Variants in CDH7 observed in about 807,000 individuals in gnomAD.
The protein encoded by CDH7 is cadherin 7.
Under a neutral mutation model 71.8 loss-of-function variants are expected in CDH7, and 25 were observed. The ratio of observed to expected loss-of-function variants is 0.35; its 90% CI spans 0.25 to 0.49. The LOEUF (loss-of-function observed/expected upper bound fraction) is 0.49. Among genes scored for constraint, CDH7 ranks in the 20% least tolerant of loss-of-function variants. The pLI is 0.99. For synonymous variants in CDH7, 381 were observed against 363.8 expected (o/e 1.05, Z -0.54); for missense variants, 862 against 974.6 (o/e 0.88, Z 1.54).
chr18:65,826,872 T>C (rs1309618944), intron 6 of CDH7, among the ~76,000 whole-genome samples: 1 of 151,346 alleles, frequency 6.6e-6, no homozygotes, highest in African/African-American at 2.4e-5. Context: ...GGGTTCAAAT[T>C]TCGTGTATTG....
intron 2 of CDH7, among the ~76,000 whole-genome samples, chr18:65,808,403 C>T (rs191294690): frequency 6.6e-6 from 1 of 152,298 alleles, no homozygotes; most frequent in East Asian, 1.9e-4. Context: ...CACACCTTTT[C>T]CCTACACTGA....
intron 6 of CDH7, among the ~76,000 whole-genome samples, chr18:65,830,722 TC>T: frequency 1.0e-5 from 1 of 96,530 alleles, no homozygotes; most frequent in Non-Finnish European, 2.3e-5. Flanking sequence ...TCTTTCTCTC[TC>T]TCTCTTTCTT....
chr18:65,807,194 A>C (rs1911356804), intron 2 of CDH7, among the ~76,000 whole-genome samples: 1 of 152,122 alleles, frequency 6.6e-6, no homozygotes, highest in African/African-American at 2.4e-5. Flanking sequence ...GCAGTATGAA[A>C]CTTTTAAGTT....
At position 65,880,406 on chromosome 18, in the gene CDH7, A is replaced by T; in HGVS notation, c.1870A>T (p.Ile624Phe). Residue 624 changes from isoleucine (I) to phenylalanine (F), a missense_variant, in exon 12 of 12, where the codon ATC becomes TTC. Transcript: ENST00000397968. ...LACVLTLLVLILLIVTMRRRK... is the reference protein window; with the variant it reads ...LACVLTLLVLFLLIVTMRRRK... ...TTCCTGTCTTATTGTTTCAGTGTTG[A>T]TCCTCCTTATCGTCACTATGAGAAG... 6.5e-7 allele frequency: 1 copy of T among 1,535,022 alleles called. No homozygotes were observed. The highest frequency in any genetic ancestry group is 8.7e-7 in the Non-Finnish European group (1 of 1,147,822).
At chr18:65,876,867 A>C (rs1914088554) in intron 11 of CDH7, among the ~76,000 whole-genome samples, 1 of 152,224 alleles carries the variant, frequency 6.6e-6, no homozygotes, top group African/African-American at 2.4e-5. Flanking sequence ...ACAGATATGT[A>C]AATTCCTGAA....
At chr18:65,778,289 A>C (rs1246689002) in intron 2 of CDH7, among the ~76,000 whole-genome samples, 2 of 150,702 alleles carry the variant, frequency 1.3e-5, no homozygotes, top group Non-Finnish European at 3.0e-5. Context: ...AAAAAAAAAA[A>C]AAAAAAAAAA....
At chr18:65,761,254 C>CA in intron 1 of CDH7, among the ~76,000 whole-genome samples, 2 of 152,028 alleles carry the variant, frequency 1.3e-5, no homozygotes, top group East Asian at 3.9e-4. Context: ...GTTCATTGCC[C>CA]AAAGTCATTG....
At chr18:65,853,519 T>A (rs1023894728) in intron 7 of CDH7, among the ~76,000 whole-genome samples, 2 of 152,102 alleles carry the variant, frequency 1.3e-5, no homozygotes, top group Admixed American at 1.3e-4. Context: ...CATTAGCTAA[T>A]GCTTTATACA....
intron 2 of CDH7, among the ~76,000 whole-genome samples, chr18:65,780,461 C>T (rs1311732679): frequency 7.4e-6 from 1 of 135,506 alleles, no homozygotes; most frequent in Non-Finnish European, 1.6e-5. Flanking sequence ...ATCTTTAATC[C>T]ATCTTGAATT....
chr18:65,772,209 T>C lies in CDH7; in HGVS notation c.210+9157T>C, dbSNP rs1188958446. On this transcript the variant is annotated intron_variant, in intron 2 of 11. Coordinates refer to ENST00000397968, the MANE Select transcript of CDH7 (RefSeq NM_004361.5). ...ACCAGTGAAATTAGTCAAACCATGC[T>C]TAAATTAGATTTTTCTGATTTGTGA... Among the ~76,000 whole-genome samples, 4 of 152,218 alleles carry C rather than the reference T, an allele frequency of 2.6e-5. No homozygotes were observed. In the East Asian group the frequency reaches 7.7e-4, roughly 29 times the overall value.
Position 65,862,890 on chromosome 18 carries a change from A to G in CDH7, c.1837A>G (p.Ile613Val), listed in dbSNP as rs1470856090. The change falls in exon 11 of 12, where the codon ATA becomes GTA. Residue 613 changes from isoleucine (I) to valine (V), a missense_variant. Transcript: ENST00000397968. ...CCTCAGTACAGGAGCCCTGATAGCC[A>G]TACTCGCCTGTGTCTTGACATTATT... is the stretch of plus-strand genomic sequence containing the variant. ...AGLSTGALIA[I>V]LACVLTLLVL... 3.1e-6 allele frequency: 5 copies of G among 1,614,220 alleles called. No individual in the cohort carries two copies. In the East Asian group the frequency reaches 1.1e-4, roughly 36 times the overall value.
At chr18:65,779,034 T>A (rs543069219) in intron 2 of CDH7, among the ~76,000 whole-genome samples, 2 of 151,248 alleles carry the variant, frequency 1.3e-5, no homozygotes, top group East Asian at 3.9e-4. Flanking sequence ...TGTAGCCCTT[T>A]GCTCTTCAGA....
chr18:65,787,217 A>G (rs11151215), intron 2 of CDH7, among the ~76,000 whole-genome samples: 1,622 of 152,328 alleles, frequency 0.011, 29 homozygotes, highest in African/African-American at 0.037. Flanking sequence ...CTTTTCTGAC[A>G]AAACATTTCA....
At chr18:65,848,347 A>G (rs1044379357) in intron 7 of CDH7, among the ~76,000 whole-genome samples, 1 of 152,186 alleles carries the variant, frequency 6.6e-6, no homozygotes, top group Non-Finnish European at 1.5e-5. Context: ...TAAATAAAAC[A>G]TTTCCTCTGA....
rs1477178318 is a variant in CDH7, at chr18:65,882,230, A to G, written c.*1336A>G. ...TAGATGTGCCAAAGGAAGGAAGGCAATTGCAAGTCATCATGTGTTTAAGTT... is the reference window on the plus strand; with the variant it reads ...TAGATGTGCCAAAGGAAGGAAGGCAGTTGCAAGTCATCATGTGTTTAAGTT... On this transcript the variant is annotated 3_prime_UTR_variant, in exon 12 of 12. Transcript: ENST00000397968. 6.6e-6 allele frequency: 1 copy of G among 152,188 alleles called. No individual in the cohort carries two copies. The highest frequency in any genetic ancestry group is 1.5e-5 in the Non-Finnish European group (1 of 68,012). The allele number at this position is 152,188 out of a possible 1,614,324, so 9.4% of individuals were successfully genotyped here.
intron 2 of CDH7, among the ~76,000 whole-genome samples, chr18:65,808,143 T>A (rs923182082): frequency 6.6e-6 from 1 of 152,204 alleles, no homozygotes; most frequent in Non-Finnish European, 1.5e-5. Context: ...AATTACTATG[T>A]AAATAATGTT....
intron 5 of CDH7, among the ~76,000 whole-genome samples, chr18:65,823,326 G>C (rs182901881): frequency 1.8e-4 from 27 of 151,908 alleles, no homozygotes; most frequent in Admixed American, 1.7e-3. Context: ...TGGAGAAGGA[G>C]GGACTTTTAG....
At chr18:65,773,013 C>A (rs1041245279) in intron 2 of CDH7, among the ~76,000 whole-genome samples, 3 of 152,118 alleles carry the variant, frequency 2.0e-5, no homozygotes, top group Non-Finnish European at 4.4e-5. Flanking sequence ...TGTTTAATTT[C>A]TCTGTTAACT....
chr18:65,801,421 C>T (rs540084050), intron 2 of CDH7, among the ~76,000 whole-genome samples: 1 of 152,258 alleles, frequency 6.6e-6, no homozygotes, highest in East Asian at 1.9e-4. Flanking sequence ...GTAATTTTTA[C>T]AAAGATGCTA....
Sources: allele counts gnomAD v4.1 joint callset (sites outside exome capture counted in the v4.1 genomes callset), GRCh38; gene constraint gnomAD v4.1.1; transcripts MANE v1.5; gene names NCBI Gene and HGNC (gene_info 2026-07-23, HGNC 2026-07-21).